Variants in PCDH15 observed in about 807,000 individuals in gnomAD.
The protein encoded by PCDH15 is protocadherin-15.
In PCDH15, 129 loss-of-function variants were observed where a neutral mutation model predicts 178.5. The observed-to-expected ratio is 0.72, with a 90% CI of 0.63 to 0.84. PCDH15 has a LOEUF of 0.84. Among genes scored for constraint, PCDH15 ranks in the 40% least tolerant of loss-of-function variants. The pLI is 0.00. For synonymous variants in PCDH15, 800 were observed against 732.0 expected, an observed-to-expected ratio of 1.09 and a Z score of -1.50; for missense variants, 2,230 against 2,099.9, an observed-to-expected ratio of 1.06 and a Z score of -1.21.
At chr10:54,502,208 T>C (rs911134487) in intron 3 of PCDH15, among the ~76,000 whole-genome samples, 11 of 152,098 alleles carry the variant, frequency 7.2e-5, no homozygotes, top group Non-Finnish European at 1.5e-4. Flanking sequence ...AGGATAAGCA[T>C]AGGCCCTACA....
chr10:54,908,276 C>A (rs765178981), intron 2 of PCDH15, among the ~76,000 whole-genome samples: 1 of 152,178 alleles, frequency 6.6e-6, no homozygotes, highest in African/African-American at 2.4e-5. Context: ...ACACTGGCTG[C>A]GGCATGGCAG....
chr10:53,875,083 T>A (rs1441651286), intron 26 of PCDH15, among the ~76,000 whole-genome samples: 1 of 150,818 alleles, frequency 6.6e-6, no homozygotes, highest in Non-Finnish European at 1.5e-5. Flanking sequence ...AGAATGAAAA[T>A]TTTGGCAAAT....
At chr10:54,658,873 C>A (rs1331074922) in intron 2 of PCDH15, among the ~76,000 whole-genome samples, 1 of 152,120 alleles carries the variant, frequency 6.6e-6, no homozygotes, top group Non-Finnish European at 1.5e-5. Flanking sequence ...CAAGACCCTA[C>A]CATTTGCTGC....
intron 2 of PCDH15, among the ~76,000 whole-genome samples, chr10:54,952,546 G>T (rs1838371523): frequency 6.6e-6 from 1 of 151,740 alleles, no homozygotes. Flanking sequence ...AGAATAACTT[G>T]GGATTTTGAT....
At position 55,338,504 on chromosome 10, in the gene PCDH15, C is replaced by A. The variant is rs553538003; in HGVS notation, c.-155-171853G>T. 5.9e-5 allele frequency among the ~76,000 whole-genome samples: 9 copies of A among 152,294 alleles called. No homozygotes were observed. The South Asian group carries it at 1.9e-3, about 32-fold the overall frequency. ...AAAATCCTGGCTGGGGACAGTGGCT[C>A]ACGCCTGTATCCCAGCACTCGGGGA... On this transcript the variant is annotated intron_variant, in intron 2 of 5. Transcript: ENST00000613346.
At chr10:55,049,800 T>G (rs1000689897) in intron 2 of PCDH15, among the ~76,000 whole-genome samples, 6 of 152,042 alleles carry the variant, frequency 3.9e-5, no homozygotes, top group Non-Finnish European at 8.8e-5. Flanking sequence ...CATTCTTGTT[T>G]CTTAAATAAT....
intron 2 of PCDH15, among the ~76,000 whole-genome samples, chr10:55,018,577 T>A (rs1180248164): frequency 6.6e-6 from 1 of 152,222 alleles, no homozygotes; most frequent in East Asian, 1.9e-4. Flanking sequence ...GAGGAATAAC[T>A]GTACTGCAAT....
At chr10:54,440,723 TCTAC>T (rs1307206061) in intron 3 of PCDH15, among the ~76,000 whole-genome samples, 2 of 151,970 alleles carry the variant, frequency 1.3e-5, no homozygotes, top group African/African-American at 4.8e-5. Context: ...TATTTATTTA[TCTAC>T]CTATTTATTA....
chr10:54,786,093 G>T (rs1207477513), intron 1 of PCDH15, among the ~76,000 whole-genome samples: 1 of 151,836 alleles, frequency 6.6e-6, no homozygotes, highest in Non-Finnish European at 1.5e-5. Flanking sequence ...TGTACTGATT[G>T]GTGCAATTAC....
At chr10:54,066,263 A>C (rs2094135486) in intron 18 of PCDH15, among the ~76,000 whole-genome samples, 1 of 152,244 alleles carries the variant, frequency 6.6e-6, no homozygotes, top group Non-Finnish European at 1.5e-5. Context: ...ATGTCCAGGT[A>C]GATCCAGAAG....
intron 2 of PCDH15, among the ~76,000 whole-genome samples, chr10:55,336,115 T>C: frequency 8.2e-6 from 1 of 122,308 alleles, no homozygotes; most frequent in South Asian, 2.6e-4. Flanking sequence ...ATATGGCACC[T>C]TGGTATTTGA....
intron 2 of PCDH15, among the ~76,000 whole-genome samples, chr10:55,600,551 G>T (rs986201607): frequency 2.0e-5 from 3 of 152,068 alleles, no homozygotes; most frequent in Non-Finnish European, 4.4e-5. Context: ...CAGGGTTTAC[G>T]ACCTTGATGT....
At chr10:54,335,454 A>G (rs1186751240) in intron 6 of PCDH15, among the ~76,000 whole-genome samples, 1 of 152,140 alleles carries the variant, frequency 6.6e-6, no homozygotes. Context: ...TGCAAATTTC[A>G]TCTTGAATTG....
chr10:54,107,139 A>G (rs559085509), intron 15 of PCDH15, among the ~76,000 whole-genome samples: 8 of 152,310 alleles, frequency 5.3e-5, no homozygotes, highest in African/African-American at 1.7e-4. Context: ...AATAGCATTG[A>G]TAGAATTTTC....
chr10:55,270,640 C>A lies in PCDH15; in HGVS notation c.-156+48959G>T, dbSNP rs201671632. ...GGCTATTGTTAAAAAAATAAAAAAA[C>A]AACAGATGCTGATGACACTGCAGAG... On this transcript the variant is annotated intron_variant, in intron 1 of 5. Transcript: ENST00000458638. Among the ~76,000 whole-genome samples, 19 of 123,338 alleles carry A rather than the reference C, an allele frequency of 1.5e-4. No homozygotes were observed. The Middle Eastern group carries it at 0.019, about 124-fold the overall frequency. 80.9% of individuals were successfully genotyped at this position (123,338 alleles called of 152,430 possible).
At chr10:54,628,097 T>G (rs964813197) in intron 2 of PCDH15, among the ~76,000 whole-genome samples, 2 of 152,200 alleles carry the variant, frequency 1.3e-5, no homozygotes, top group Non-Finnish European at 2.9e-5. Context: ...CATGAATTAA[T>G]GCTGTCCTCA....
intron 1 of PCDH15, among the ~76,000 whole-genome samples, chr10:55,281,714 A>C (rs1842738816): frequency 6.6e-6 from 1 of 152,124 alleles, no homozygotes; most frequent in South Asian, 2.1e-4. Flanking sequence ...GCTCACAAAA[A>C]CTTAAATTCT....
intron 2 of PCDH15, among the ~76,000 whole-genome samples, chr10:55,592,230 A>C (rs2132133079): frequency 6.6e-6 from 1 of 152,268 alleles, no homozygotes; most frequent in South Asian, 2.1e-4. Flanking sequence ...AGGCTGAAAT[A>C]TACAATGTAT....
chr10:54,189,392 C>T (rs2048763428), intron 11 of PCDH15: 1 of 1,517,100 alleles, frequency 6.6e-7, no homozygotes, highest in Non-Finnish European at 8.9e-7. Context: ...AACCTATACG[C>T]AAATTAAACA....
Sources: gnomAD v4.1 joint callset for allele counts (sites outside exome capture counted in the v4.1 genomes callset) on GRCh38, gnomAD v4.1.1 for gene constraint, MANE v1.5 for transcripts, NCBI Gene and HGNC (gene_info 2026-07-23, HGNC 2026-07-21) for gene names.